Variants in ERBB4 observed in about 807,000 individuals in gnomAD.
The protein encoded by ERBB4 is erb-b2 receptor tyrosine kinase 4, also known as receptor tyrosine-protein kinase erbB-4.
Under a neutral mutation model 158.0 loss-of-function variants are expected in ERBB4, and 42 were observed. The ratio of observed to expected loss-of-function variants is 0.27; its 90% CI spans 0.21 to 0.34. The LOEUF is 0.34. Ranked by LOEUF, ERBB4 falls within the 10% of genes least tolerant of loss-of-function variation. The pLI is 1.00. For synonymous variants in ERBB4, 583 were observed against 558.7 expected, an observed-to-expected ratio of 1.04 and a Z score of -0.61; for missense variants, 1,333 against 1,624.1, an observed-to-expected ratio of 0.82 and a Z score of 3.08.
At chr2:211,572,670 A>T (rs1328835121) in intron 19 of ERBB4, among the ~76,000 whole-genome samples, 1 of 152,150 alleles carries the variant, frequency 6.6e-6, no homozygotes, top group Non-Finnish European at 1.5e-5. Flanking sequence ...GCTGTTACTC[A>T]TCTTGAAGTA....
Position 212,259,350 on chromosome 2 carries a change from CTTAAG to C in ERBB4, c.83-134452_83-134448del, listed in dbSNP as rs1239360028. On this transcript the variant is annotated intron_variant, in intron 1 of 27. Transcript: ENST00000342788. The stretch of plus-strand genomic sequence containing the variant: ...AATGAGTCCCCTCCCAACATACACA[CTTAAG>C]TTAAGAAATTCCAGGTAAAGCCCAT... 1.1e-4 allele frequency among the ~76,000 whole-genome samples: 17 copies of C among 152,228 alleles called. No homozygotes were observed. In the East Asian group the frequency reaches 2.5e-3, roughly 22 times the overall value.
In ERBB4 at chr2:211,673,436, T is replaced by G. The variant is rs73080761; in HGVS notation, c.1623-179A>C. Among the ~76,000 whole-genome samples, 1,203 of 147,974 alleles carry G rather than the reference T, an allele frequency of 8.1e-3. 16 individuals are homozygous for G. The highest frequency in any genetic ancestry group is 0.028 in the African/African-American group (1,127 of 40,100). ...GGAGAAAAGATAAACTGCAGCCAGA[T>G]GGCTCTCCCTGTCCTCCATTGAGTT... On this transcript the variant is annotated intron_variant, in intron 13 of 27. Coordinates refer to ENST00000342788, the MANE Select transcript of ERBB4 (RefSeq NM_005235.3).
At chr2:212,488,919 AAGAG>A (rs1690121938) in intron 1 of ERBB4, among the ~76,000 whole-genome samples, 1 of 149,354 alleles carries the variant, frequency 6.7e-6, no homozygotes, top group Non-Finnish European at 1.5e-5. Context: ...ACTGGTCAGC[AAGAG>A]AGAGAGGGAA....
chr2:212,418,022 C>T (rs906493571), intron 1 of ERBB4, among the ~76,000 whole-genome samples: 3 of 151,828 alleles, frequency 2.0e-5, no homozygotes, highest in African/African-American at 7.2e-5. Flanking sequence ...AAGGATACAA[C>T]AAAAAGGCAG....
rs1407435553 is a variant in ERBB4 at position 212,373,948 on chromosome 2, T to TCC, written c.82+164500_82+164501insGG. Among the ~76,000 whole-genome samples the TCC allele has an allele frequency of 4.2e-3, 324 of 77,372 alleles. 47 individuals are homozygous for TCC. Among genetic ancestry groups the TCC allele is most frequent in the Middle Eastern group, 0.029 (2 of 68 alleles). 50.8% of individuals were successfully genotyped at this position (77,372 alleles called of 152,430 possible). A position where few individuals can be genotyped will look rare whatever the true frequency, so the allele number is the denominator to read the frequency against. ...ATATATCCATATATATCCATATATATATCATATATATATCCATATATATCC... is the reference window on the plus strand; with the variant it reads ...ATATATCCATATATATCCATATATATCCATCATATATATATCCATATATATCC... On this transcript the variant is annotated intron_variant, in intron 1 of 27. Coordinates refer to ENST00000342788, the MANE Select transcript of ERBB4 (RefSeq NM_005235.3).
At chr2:211,754,540 A>T (rs1341061056) in intron 4 of ERBB4, among the ~76,000 whole-genome samples, 1 of 149,732 alleles carries the variant, frequency 6.7e-6, no homozygotes, top group Non-Finnish European at 1.5e-5. Context: ...AGCTGGGATT[A>T]CAGGTGCCTG....
chr2:211,577,393 C>T (rs573313908), intron 19 of ERBB4, among the ~76,000 whole-genome samples: 2 of 152,136 alleles, frequency 1.3e-5, no homozygotes, highest in African/African-American at 2.4e-5. Context: ...CCATAAATAA[C>T]AGATAATCAA....
At chr2:211,880,927 G>A (rs1051887537) in intron 3 of ERBB4, among the ~76,000 whole-genome samples, 2 of 152,202 alleles carry the variant, frequency 1.3e-5, no homozygotes, top group African/African-American at 2.4e-5. Context: ...AATGGCACAA[G>A]TAATATCCAA....
At chr2:212,472,690 T>C (rs556980070) in intron 1 of ERBB4, among the ~76,000 whole-genome samples, 1 of 151,980 alleles carries the variant, frequency 6.6e-6, no homozygotes, top group East Asian at 1.9e-4. Flanking sequence ...TTTTTAAATA[T>C]AGTAAAAATA....
intron 14 of ERBB4, among the ~76,000 whole-genome samples, chr2:211,667,946 G>A (rs1164566097): frequency 1.3e-5 from 2 of 151,966 alleles, no homozygotes; most frequent in African/African-American, 4.8e-5. Context: ...GATATATTCT[G>A]AGCAATGCAT....
intron 3 of ERBB4, among the ~76,000 whole-genome samples, chr2:211,872,557 T>A (rs1039013183): frequency 7.9e-5 from 12 of 152,312 alleles, no homozygotes; most frequent in African/African-American, 2.6e-4. Context: ...TTATTTTTTT[T>A]ATCTTATTTA....
intron 2 of ERBB4, among the ~76,000 whole-genome samples, chr2:212,078,065 T>C (rs912808093): frequency 1.3e-5 from 2 of 152,080 alleles, no homozygotes; most frequent in Non-Finnish European, 2.9e-5. Flanking sequence ...TCTTGGTAAT[T>C]AGACAAAATC....
intron 3 of ERBB4, among the ~76,000 whole-genome samples, chr2:211,912,882 C>T (rs1287197266): frequency 6.6e-6 from 1 of 152,120 alleles, no homozygotes; most frequent in Non-Finnish European, 1.5e-5. Context: ...AGAGATGCTA[C>T]CTGTGAGGGT....
intron 7 of ERBB4, among the ~76,000 whole-genome samples, chr2:211,717,925 T>G (rs2073974759): frequency 1.3e-5 from 2 of 152,204 alleles, no homozygotes; most frequent in Non-Finnish European, 1.5e-5. Context: ...ATATATTTTT[T>G]GAGACAGAGT....
chr2:211,418,533 G>A (rs1044222259), intron 25 of ERBB4, among the ~76,000 whole-genome samples: 7 of 152,088 alleles, frequency 4.6e-5, no homozygotes, highest in African/African-American at 1.4e-4. Flanking sequence ...TTTAGACTTT[G>A]TCTCAATAAT....
intron 20 of ERBB4, among the ~76,000 whole-genome samples, chr2:211,446,405 G>T (rs2064113878): frequency 6.6e-6 from 1 of 152,144 alleles, no homozygotes; most frequent in African/African-American, 2.4e-5. Context: ...GGAGGACAGA[G>T]ATAAGGAAAA....
chr2:212,327,720 C>CTT (rs1560028639), intron 1 of ERBB4, among the ~76,000 whole-genome samples: 3 of 43,532 alleles, frequency 6.9e-5, no homozygotes, highest in Non-Finnish European at 1.0e-4. Context: ...TTTTTTTTTT[C>CTT]TTTTTTTCTT....
chr2:211,720,369 T>C (rs1035204056), intron 7 of ERBB4, among the ~76,000 whole-genome samples: 4 of 152,192 alleles, frequency 2.6e-5, no homozygotes, highest in African/African-American at 9.7e-5. Context: ...ACAGTGATGT[T>C]TCATCAGCAT....
At chr2:212,196,941 G>A (rs978964368) in intron 1 of ERBB4, among the ~76,000 whole-genome samples, 2 of 152,090 alleles carry the variant, frequency 1.3e-5, no homozygotes, top group Non-Finnish European at 2.9e-5. Flanking sequence ...CGCCTCACCC[G>A]TGCTGGGTAG....
Sources: gnomAD v4.1 joint callset for allele counts (sites outside exome capture counted in the v4.1 genomes callset) on GRCh38, gnomAD v4.1.1 for gene constraint, MANE v1.5 for transcripts, NCBI Gene and HGNC (gene_info 2026-07-23, HGNC 2026-07-21) for gene names.